NPAS3: variants seen among roughly 807,000 people sequenced by gnomAD.
NPAS3 encodes neuronal PAS domain protein 3, also known as neuronal PAS domain-containing protein 3.
A neutral mutation model predicts 73.1 loss-of-function variants in NPAS3; 14 were observed. That is an observed-to-expected ratio of 0.19 (90% CI 0.13 to 0.30). The LOEUF (loss-of-function observed/expected upper bound fraction) is 0.30. Ranked by LOEUF, NPAS3 falls within the 10% of genes least tolerant of loss-of-function variation. The pLI is 1.00. For synonymous variants in NPAS3, 620 were observed against 541.5 expected, an observed-to-expected ratio of 1.14 and a Z score of -2.01; for missense variants, 1,096 against 1,250.0, an observed-to-expected ratio of 0.88 and a Z score of 1.86.
At chr14:33,702,871 T>G (rs907939616) in intron 6 of NPAS3, among the ~76,000 whole-genome samples, 1 of 152,198 alleles carries the variant, frequency 6.6e-6, no homozygotes. Flanking sequence ...ATTCTCTTCT[T>G]TGAAAATAAG....
intron 3 of NPAS3, among the ~76,000 whole-genome samples, chr14:33,338,484 C>T (rs993519058): frequency 1.3e-5 from 2 of 152,126 alleles, no homozygotes; most frequent in Non-Finnish European, 2.9e-5. Flanking sequence ...ATTTGTCTCT[C>T]AAATCTTTTC....
chr14:32,941,410 C>T (rs1408633286), intron 1 of NPAS3, among the ~76,000 whole-genome samples: 1 of 147,580 alleles, frequency 6.8e-6, no homozygotes, highest in South Asian at 2.2e-4. Context: ...ATCTCTCTAG[C>T]AAAGGCCTAT....
intron 4 of NPAS3, among the ~76,000 whole-genome samples, chr14:33,458,452 G>A (rs963544552): frequency 3.3e-5 from 5 of 151,888 alleles, no homozygotes; most frequent in Non-Finnish European, 7.4e-5. Context: ...AAGTCACATG[G>A]GGCGAAAAAA....
intron 2 of NPAS3, among the ~76,000 whole-genome samples, chr14:33,195,965 A>G (rs1293183302): frequency 1.3e-5 from 2 of 152,258 alleles, no homozygotes; most frequent in Non-Finnish European, 2.9e-5. Flanking sequence ...TTGTATGACA[A>G]AAACACAAAT....
chr14:33,572,618 G>C (rs2056260513), intron 5 of NPAS3, among the ~76,000 whole-genome samples: 2 of 152,278 alleles, frequency 1.3e-5, no homozygotes, highest in South Asian at 4.2e-4. Flanking sequence ...TGTTAACCAG[G>C]AACGCTAGTT....
chr14:33,168,354 C>A (rs920347370), intron 2 of NPAS3, among the ~76,000 whole-genome samples: 1 of 152,128 alleles, frequency 6.6e-6, no homozygotes, highest in Non-Finnish European at 1.5e-5. Context: ...CCTTGAGGAG[C>A]AGAGAAGGTC....
At chr14:33,261,814 T>C (rs2048985908) in intron 3 of NPAS3, among the ~76,000 whole-genome samples, 1 of 152,174 alleles carries the variant, frequency 6.6e-6, no homozygotes, top group Admixed American at 6.6e-5. Flanking sequence ...CATTTTATCC[T>C]AAAGCAATGT....
chr14:33,456,958 C>T (rs1247226201), intron 4 of NPAS3, among the ~76,000 whole-genome samples: 2 of 152,120 alleles, frequency 1.3e-5, no homozygotes, highest in East Asian at 1.9e-4. Context: ...TGTTCTCAGT[C>T]GCCAACATTA....
At chr14:33,184,258 G>C (rs1389206861) in intron 2 of NPAS3, among the ~76,000 whole-genome samples, 1 of 152,140 alleles carries the variant, frequency 6.6e-6, no homozygotes, top group Non-Finnish European at 1.5e-5. Flanking sequence ...TTTAAGGATA[G>C]GCAGGTCTTA....
At chr14:33,658,158 A>T (rs991708287) in intron 5 of NPAS3, among the ~76,000 whole-genome samples, 13 of 152,212 alleles carry the variant, frequency 8.5e-5, no homozygotes, top group African/African-American at 2.9e-4. Context: ...GACTTTATAG[A>T]TGTTTCCTAA....
At chr14:33,121,118 C>G (rs2043216170) in intron 2 of NPAS3, among the ~76,000 whole-genome samples, 1 of 151,918 alleles carries the variant, frequency 6.6e-6, no homozygotes, top group Non-Finnish European at 1.5e-5. Flanking sequence ...GCACACTGAC[C>G]CAAAATCAAG....
At chr14:33,296,383 C>A (rs931654075) in intron 3 of NPAS3, among the ~76,000 whole-genome samples, 2 of 152,174 alleles carry the variant, frequency 1.3e-5, no homozygotes, top group Non-Finnish European at 2.9e-5. Context: ...GTGAAAACTT[C>A]GCTTAAAAGG....
At chr14:33,367,331 T>C in intron 4 of NPAS3, 63 bp downstream of exon 4, 1 of 725,060 alleles carries the variant, frequency 1.4e-6, no homozygotes, top group South Asian at 1.7e-5. Flanking sequence ...ATGTTTAGTC[T>C]TTTTTTTAAA....
At chr14:33,238,411 C>A (rs548344051) in intron 3 of NPAS3, among the ~76,000 whole-genome samples, 41 of 152,104 alleles carry the variant, frequency 2.7e-4, no homozygotes, top group Admixed American at 2.2e-3. Flanking sequence ...GTCCCACAGA[C>A]AAATGTTGTA....
intron 3 of NPAS3, among the ~76,000 whole-genome samples, chr14:33,293,866 C>T (rs2042192244): frequency 6.6e-6 from 1 of 152,236 alleles, no homozygotes; most frequent in East Asian, 1.9e-4. Context: ...AATAAACAGA[C>T]ATTTGTCAGT....
At chr14:33,163,302 T>C (rs1411990695) in intron 2 of NPAS3, among the ~76,000 whole-genome samples, 14 of 152,344 alleles carry the variant, frequency 9.2e-5, no homozygotes, top group Admixed American at 9.1e-4. Context: ...CCTCAGTCAG[T>C]GCTCACAGAC....
intron 5 of NPAS3, among the ~76,000 whole-genome samples, chr14:33,590,144 A>T (rs891305422): frequency 1.3e-5 from 2 of 152,218 alleles, no homozygotes; most frequent in Non-Finnish European, 2.9e-5. Context: ...CATGAGCAGA[A>T]AATTCCTCAG....
intron 3 of NPAS3, among the ~76,000 whole-genome samples, chr14:33,353,777 G>T (rs777810909): frequency 6.6e-6 from 1 of 152,194 alleles, no homozygotes; most frequent in Non-Finnish European, 1.5e-5. Flanking sequence ...GATGTAGCCT[G>T]CAGGACTAGC....
chr14:33,379,461 C>T (rs2140472231), intron 4 of NPAS3, among the ~76,000 whole-genome samples: 1 of 152,218 alleles, frequency 6.6e-6, no homozygotes, highest in South Asian at 2.1e-4. Context: ...ATCTGCAAAT[C>T]TTTGCCAGAT....
Sources: gnomAD v4.1 joint callset for allele counts (sites outside exome capture counted in the v4.1 genomes callset) on GRCh38, gnomAD v4.1.1 for gene constraint, MANE v1.5 for transcripts, NCBI Gene and HGNC (gene_info 2026-07-23, HGNC 2026-07-21) for gene names.